Variants in CNTN5 observed in about 807,000 individuals in gnomAD.
CNTN5 encodes contactin-5.
A neutral mutation model predicts 129.1 loss-of-function variants in CNTN5; 77 were observed. That is an observed-to-expected ratio of 0.60 (90% confidence interval 0.50 to 0.72). CNTN5 has a LOEUF of 0.72. Among genes scored for constraint, CNTN5 ranks in the 30% least tolerant of loss-of-function variants. The pLI is 0.00. For missense variants in CNTN5, 1,478 were observed against 1,328.8 expected (o/e 1.11, Z -1.75); for synonymous variants, 509 against 465.6 (o/e 1.09, Z -1.20).
chr11:99,327,237 A>T (rs1230196306), intron 2 of CNTN5, among the ~76,000 whole-genome samples: 2 of 152,198 alleles, frequency 1.3e-5, no homozygotes, highest in African/African-American at 4.8e-5. Flanking sequence ...TTCAGATCTA[A>T]TGCTCACTTC....
intron 3 of CNTN5, among the ~76,000 whole-genome samples, chr11:99,768,620 A>ACT (rs1264660543): frequency 9.2e-5 from 14 of 152,264 alleles, no homozygotes; most frequent in Admixed American, 7.2e-4. Context: ...ATTTGGATTT[A>ACT]CGTGATGATT....
In CNTN5 at chr11:100,041,826, C is replaced by A. The variant is rs142290491; in HGVS notation, c.981-19386C>A. Among the ~76,000 whole-genome samples the A allele has an allele frequency of 6.3e-3, 965 of 152,282 alleles. 13 individuals are homozygous for A. Among genetic ancestry groups the A allele is most frequent in the Admixed American group, 9.7e-3 (148 of 15,294 alleles). On this transcript the variant is annotated intron_variant, in intron 9 of 24. Coordinates refer to ENST00000524871, the MANE Select transcript of CNTN5 (RefSeq NM_014361.4). ...CAAGCTTCTTTACCTAAATTAGATT[C>A]TTTGCCTAAGATAATTAAAAGTGAT...
intron 1 of CNTN5, among the ~76,000 whole-genome samples, chr11:99,102,886 C>A (rs924974330): frequency 6.6e-6 from 1 of 152,044 alleles, no homozygotes; most frequent in African/African-American, 2.4e-5. Flanking sequence ...CTGTATTAGT[C>A]CATTTTCACG....
intron 15 of CNTN5, among the ~76,000 whole-genome samples, chr11:100,214,724 TG>T (rs1949104655): frequency 1.3e-5 from 2 of 152,220 alleles, no homozygotes; most frequent in South Asian, 4.1e-4. Context: ...CAACGTCAAG[TG>T]TTTTGGCTTT....
chr11:99,804,012 C>A (rs1361290341), intron 3 of CNTN5, among the ~76,000 whole-genome samples: 3 of 152,062 alleles, frequency 2.0e-5, no homozygotes, highest in Non-Finnish European at 4.4e-5. Flanking sequence ...TTAGTGGGGT[C>A]TTTAAAGTCT....
At chr11:99,793,673 C>G (rs1945834275) in intron 3 of CNTN5, among the ~76,000 whole-genome samples, 1 of 152,150 alleles carries the variant, frequency 6.6e-6, no homozygotes, top group South Asian at 2.1e-4. Flanking sequence ...TTAATTTCAT[C>G]ATTTGCCCAG....
chr11:99,982,419 A>G (rs1403107836), intron 8 of CNTN5, among the ~76,000 whole-genome samples: 1 of 152,214 alleles, frequency 6.6e-6, no homozygotes, highest in Non-Finnish European at 1.5e-5. Context: ...GACAGCTGGC[A>G]GGAGGCTGAA....
intron 15 of CNTN5, among the ~76,000 whole-genome samples, chr11:100,207,529 TA>T (rs913857760): frequency 2.6e-5 from 4 of 152,110 alleles, no homozygotes; most frequent in African/African-American, 9.6e-5. Context: ...GAAGCCTCAC[TA>T]AAACTAAAAA....
At chr11:99,426,976 A>T (rs1172808575) in intron 2 of CNTN5, among the ~76,000 whole-genome samples, 1 of 152,204 alleles carries the variant, frequency 6.6e-6, no homozygotes, top group African/African-American at 2.4e-5. Flanking sequence ...TTACTAAGCA[A>T]ATCAGAAACT....
At chr11:100,094,701 A>T (rs896995467) in intron 13 of CNTN5, among the ~76,000 whole-genome samples, 2 of 150,814 alleles carry the variant, frequency 1.3e-5, no homozygotes, top group Middle Eastern at 3.2e-3. Flanking sequence ...AAGGAAGGAA[A>T]GCAGACCAGG....
intron 6 of CNTN5, among the ~76,000 whole-genome samples, chr11:99,883,425 G>A (rs1171422146): frequency 6.6e-6 from 1 of 152,166 alleles, no homozygotes; most frequent in Non-Finnish European, 1.5e-5. Flanking sequence ...GGGGTGAGAT[G>A]ATATCTCATT....
rs998168681 is a variant in CNTN5 at position 100,083,331 on chromosome 11, A to G, written c.1580+9037A>G. 3.3e-5 allele frequency among the ~76,000 whole-genome samples: 5 copies of G among 151,572 alleles called. 1 individual carries two copies. Among genetic ancestry groups the G allele is most frequent in the South Asian group, 2.1e-4 (1 of 4,788 alleles). The stretch of plus-strand genomic sequence containing the variant: ...AAACTCTGTCTCAAAAAAAAAAAAA[A>G]AGAGAGATGGGAAGAGGTCCCAGAG... On this transcript the variant is annotated intron_variant, in intron 13 of 24. Transcript: ENST00000524871.
intron 1 of CNTN5, among the ~76,000 whole-genome samples, chr11:99,066,375 A>G (rs148659187): frequency 0.011 from 1,611 of 152,256 alleles, 33 homozygotes; most frequent in African/African-American, 0.036. Flanking sequence ...AAGTGCTAGG[A>G]TTACAGGCAT....
Position 99,658,716 on chromosome 11 carries a change from A to T in CNTN5, c.55+102447A>T, listed in dbSNP as rs967734338. Reference sequence around the variant, plus strand: ...GTGAAATTCTGTCTCTACTAAAAAAAAAATATATATATATATATAAAATTA... The same window carrying T: ...GTGAAATTCTGTCTCTACTAAAAAATAAATATATATATATATATAAAATTA... On this transcript the variant is annotated intron_variant, in intron 3 of 24. Transcript: ENST00000524871. Among the ~76,000 whole-genome samples the T allele has an allele frequency of 1.6e-4, 18 of 115,020 alleles. 1 individual carries two copies. The highest frequency in any genetic ancestry group is 9.8e-4 in the South Asian group (3 of 3,054). The allele number at this position is 115,020 out of a possible 152,430, so 75.5% of individuals were successfully genotyped here.
intron 17 of CNTN5, among the ~76,000 whole-genome samples, chr11:100,260,000 C>A (rs1950163412): frequency 6.6e-6 from 1 of 152,000 alleles, no homozygotes; most frequent in African/African-American, 2.4e-5. Flanking sequence ...ATCAATGAAT[C>A]CAGGAGCTGG....
chr11:99,599,213 A>C (rs1051158018), intron 3 of CNTN5, among the ~76,000 whole-genome samples: 4 of 152,006 alleles, frequency 2.6e-5, no homozygotes, highest in African/African-American at 9.7e-5. Flanking sequence ...AGATATCTAC[A>C]TTCTGAGGCA....
At chr11:99,832,065 T>C (rs1947158461) in intron 4 of CNTN5, among the ~76,000 whole-genome samples, 1 of 152,188 alleles carries the variant, frequency 6.6e-6, no homozygotes, top group Non-Finnish European at 1.5e-5. Flanking sequence ...CATTAGCAGT[T>C]ACTGCACAAA....
rs182323368 is a variant in CNTN5, at chr11:99,668,226, G to A, written c.55+111957G>A. On this transcript the variant is annotated intron_variant, in intron 3 of 24. Coordinates refer to ENST00000524871, the MANE Select transcript of CNTN5 (RefSeq NM_014361.4). The stretch of plus-strand genomic sequence containing the variant: ...ACTGCTAGTAGGACACAACTAGGCA[G>A]TGTCCACACCCCAGAGTACCAAGGT... Among the ~76,000 whole-genome samples the A allele has an allele frequency of 8.6e-4, 131 of 152,234 alleles. 1 individual carries two copies. The highest frequency in any genetic ancestry group is 8.4e-3 in the Admixed American group (129 of 15,284).
At chr11:99,570,620 A>G (rs963118890) in intron 3 of CNTN5, among the ~76,000 whole-genome samples, 3 of 152,196 alleles carry the variant, frequency 2.0e-5, no homozygotes, top group African/African-American at 7.2e-5. Context: ...CCTGCTAGAT[A>G]TTTTGCTAGG....
Sources: allele counts gnomAD v4.1 joint callset (sites outside exome capture counted in the v4.1 genomes callset), GRCh38; gene constraint gnomAD v4.1.1; transcripts MANE v1.5; gene names NCBI Gene and HGNC (gene_info 2026-07-23, HGNC 2026-07-21).